Variants in WIF1 observed in about 807,000 individuals in gnomAD.
WIF1 encodes the protein Wnt inhibitory factor 1.
A neutral mutation model predicts 53.5 loss-of-function variants in WIF1; 35 were observed. The observed-to-expected ratio is 0.65, with a 90% CI of 0.50 to 0.87. WIF1 has a LOEUF of 0.87. Ranked by LOEUF, WIF1 falls within the 40% of genes least tolerant of loss-of-function variation. The pLI, the probability that WIF1 is intolerant of heterozygous loss-of-function variation, is 0.00. For synonymous variants in WIF1, 171 were observed against 170.4 expected (o/e 1.00, Z -0.03); for missense variants, 467 against 476.8 (o/e 0.98, Z 0.19).
chr12:65,079,441 A>C (rs1463295158), intron 2 of WIF1, among the ~76,000 whole-genome samples: 1 of 152,148 alleles, frequency 6.6e-6, no homozygotes, highest in Non-Finnish European at 1.5e-5. Context: ...ATTAAGGAAG[A>C]AATAATGCCA....
intron 2 of WIF1, among the ~76,000 whole-genome samples, chr12:65,110,134 C>T: frequency 6.6e-6 from 1 of 152,168 alleles, no homozygotes; most frequent in African/African-American, 2.4e-5. Flanking sequence ...ATCCAAACTG[C>T]TTTTCTTATA....
rs531988277 is a variant in WIF1 at position 65,056,076 on chromosome 12, T to C, written c.877A>G (p.Lys293Glu). ...RNGGKCIGKS[K>E]CKCSKGYQGD... Reference sequence around the variant, plus strand: ...TGGTAACCTTTGGAACACTTACATTTGCTTTTACCAATGCATTTACCTCCA... The same window carrying C: ...TGGTAACCTTTGGAACACTTACATTCGCTTTTACCAATGCATTTACCTCCA... Residue 293 changes from lysine (K) to glutamate (E), a missense_variant, in exon 8 of 10, where the codon AAA becomes GAA. Lys to Glu is a moderately conservative substitution (Grantham distance 56, BLOSUM62 1). Coordinates refer to ENST00000286574, the MANE Select transcript of WIF1 (RefSeq NM_007191.5). 1 of 1,614,070 alleles carries C rather than the reference T, an allele frequency of 6.2e-7. No homozygotes were observed. Among genetic ancestry groups the C allele is most frequent in the African/African-American group, 1.3e-5 (1 of 74,942 alleles).
At chr12:65,059,973 G>A (rs962423097) in intron 7 of WIF1, among the ~76,000 whole-genome samples, 4 of 151,818 alleles carry the variant, frequency 2.6e-5, no homozygotes, top group Non-Finnish European at 5.9e-5. Context: ...ATTCTTGATA[G>A]AGGTCAGGAG....
chr12:65,068,251 T>TG (rs1882718161), intron 4 of WIF1, among the ~76,000 whole-genome samples: 2 of 152,202 alleles, frequency 1.3e-5, no homozygotes, highest in African/African-American at 4.8e-5. Flanking sequence ...AATGGGCATC[T>TG]GGGGTGTGGT....
chr12:65,117,787 T>C (rs1197861789), intron 2 of WIF1, among the ~76,000 whole-genome samples: 3 of 152,176 alleles, frequency 2.0e-5, no homozygotes, highest in Admixed American at 2.0e-4. Context: ...CCCTCGCATG[T>C]GCAATTCACA....
chr12:65,085,836 G>A (rs1380134823), intron 2 of WIF1, among the ~76,000 whole-genome samples: 1 of 152,164 alleles, frequency 6.6e-6, no homozygotes. Flanking sequence ...AAAACTGGCA[G>A]AAGATCACAG....
intron 2 of WIF1, among the ~76,000 whole-genome samples, chr12:65,088,965 G>A (rs1883083720): frequency 6.6e-6 from 1 of 152,054 alleles, no homozygotes; most frequent in African/African-American, 2.4e-5. Context: ...AAATGTTGAT[G>A]TTCCCAGGAA....
At chr12:65,063,510 G>C (rs1882644255) in intron 6 of WIF1, among the ~76,000 whole-genome samples, 1 of 152,052 alleles carries the variant, frequency 6.6e-6, no homozygotes, top group South Asian at 2.1e-4. Context: ...GCTAAAATAA[G>C]CTTCCAGTAG....
At position 65,120,389 on chromosome 12, in the gene WIF1, A is replaced by T. The variant is rs201618544; in HGVS notation, c.288+28T>A. The T allele has an allele frequency of 3.6e-4, 582 of 1,607,780 alleles. 1 individual carries two copies. The highest frequency in any genetic ancestry group is 1.7e-4 in the Middle Eastern group (1 of 6,038). On this transcript the variant is annotated intron_variant, in intron 2 of 9. Coordinates refer to ENST00000286574, the MANE Select transcript of WIF1 (RefSeq NM_007191.5). ...CCACCTGCCATAAGGCAGTGGAAAT[A>T]TTAAAGGGTAATTTTCTCAGAACTT... is the stretch of plus-strand genomic sequence containing the variant.
chr12:65,068,642 A>C, intron 4 of WIF1, 122 bp downstream of exon 4: 1 of 1,269,492 alleles, frequency 7.9e-7, no homozygotes, highest in Non-Finnish European at 1.1e-6. Flanking sequence ...CCATCATCCA[A>C]AAAACCATGT....
chr12:65,075,450 A>G (rs1434719500), intron 3 of WIF1, among the ~76,000 whole-genome samples: 2 of 152,222 alleles, frequency 1.3e-5, no homozygotes, highest in Admixed American at 1.3e-4. Context: ...AGAGTATGCC[A>G]TCGATGACTT....
chr12:65,120,999 G>T, intron 1 of WIF1, 45 bp downstream of exon 1: 1 of 1,410,192 alleles, frequency 7.1e-7, no homozygotes, highest in Non-Finnish European at 9.3e-7. Context: ...AGAGTGGAGA[G>T]AGGAGGACAT....
intron 2 of WIF1, among the ~76,000 whole-genome samples, chr12:65,088,201 G>C (rs1402969945): frequency 1.3e-5 from 2 of 152,126 alleles, no homozygotes. Context: ...AACATCATTA[G>C]TCTCTCCCTT....
chr12:65,083,808 TTTC>T (rs780802418), intron 2 of WIF1: 12 of 366,398 alleles, frequency 3.3e-5, no homozygotes, highest in Non-Finnish European at 5.3e-5. Context: ...TTTCCTTTCC[TTTC>T]CTTTCCTCTC....
chr12:65,077,546 T>A (rs1402000978), intron 3 of WIF1, among the ~76,000 whole-genome samples, 200 bp downstream of exon 3: 2 of 152,158 alleles, frequency 1.3e-5, no homozygotes, highest in African/African-American at 4.8e-5. Flanking sequence ...TCTGAATCTT[T>A]AGAAAATTAT....
intron 2 of WIF1, among the ~76,000 whole-genome samples, chr12:65,102,063 A>G (rs1260674021): frequency 1.3e-5 from 2 of 152,244 alleles, no homozygotes; most frequent in African/African-American, 2.4e-5. Flanking sequence ...CATTGTAAAA[A>G]GTAATTTAAT....
intron 3 of WIF1, among the ~76,000 whole-genome samples, chr12:65,076,805 T>A (rs889613660): frequency 7.9e-5 from 12 of 151,682 alleles, no homozygotes; most frequent in African/African-American, 2.9e-4. Flanking sequence ...TTATGGTATA[T>A]CCATAAAATA....
chr12:65,057,985 A>G (rs1882554815), intron 7 of WIF1, among the ~76,000 whole-genome samples: 1 of 152,174 alleles, frequency 6.6e-6, no homozygotes, highest in Non-Finnish European at 1.5e-5. Context: ...ACAAACCTGG[A>G]ATGCCGTTAG....
At position 65,090,046 on chromosome 12, in the gene WIF1, A is replaced by G. The variant is rs1592397549; in HGVS notation, c.289-12192T>C. On this transcript the variant is annotated intron_variant, in intron 2 of 9. Transcript: ENST00000286574. Reference sequence around the variant, plus strand: ...ACCTTTTACCATGTCCATTTAAGGTATGAAATTTCTGACTTTCAATGAAAC... The same window carrying G: ...ACCTTTTACCATGTCCATTTAAGGTGTGAAATTTCTGACTTTCAATGAAAC... Among the ~76,000 whole-genome samples, 3 of 152,326 alleles carry G rather than the reference A, an allele frequency of 2.0e-5. No individual in the cohort carries two copies. In the South Asian group the frequency reaches 6.2e-4, roughly 32 times the overall value.
Sources: allele counts gnomAD v4.1 joint callset (sites outside exome capture counted in the v4.1 genomes callset), GRCh38; gene constraint gnomAD v4.1.1; transcripts MANE v1.5; gene names NCBI Gene and HGNC (gene_info 2026-07-23, HGNC 2026-07-21).